Variants in EPRS1 observed in about 807,000 individuals in gnomAD.
EPRS1 encodes glutamyl-prolyl-tRNA synthetase 1.
EPRS1 carries 107 observed loss-of-function variants against 188.3 expected under a neutral mutation model. The observed-to-expected ratio is 0.57, with a 90% confidence interval of 0.49 to 0.67. The LOEUF (loss-of-function observed/expected upper bound fraction) is 0.67. Among genes scored for constraint, EPRS1 ranks in the 30% least tolerant of loss-of-function variants. The pLI is 0.00. For missense variants in EPRS1, 1,577 were observed against 1,802.2 expected, an observed-to-expected ratio of 0.88 and a Z score of 2.26; for synonymous variants, 596 against 593.1, an observed-to-expected ratio of 1.00 and a Z score of -0.07.
chr1:219,969,310 T>C (rs1003885961), intron 30 of EPRS1, 188 bp from the exon 31 acceptor site: 3 of 587,750 alleles, frequency 5.1e-6, no homozygotes, highest in Admixed American at 3.0e-5. Context: ...GAAAGAATGT[T>C]TTTCCACTAT....
chr1:219,999,642 C>G (rs964287986), intron 17 of EPRS1, among the ~76,000 whole-genome samples: 1 of 152,064 alleles, frequency 6.6e-6, no homozygotes, highest in Admixed American at 6.6e-5. Flanking sequence ...CAGCCAACAC[C>G]AATATCAACT....
chr1:219,972,055 C>T lies in EPRS1; in HGVS notation c.4323+14G>A. 6.5e-7 allele frequency: 1 copy of T among 1,534,662 alleles called. No homozygotes were observed. The highest frequency in any genetic ancestry group is 8.8e-7 in the Non-Finnish European group (1 of 1,135,382). Reference sequence around the variant, plus strand: ...AAATATTCTTATACTGAAAAGTTTTCCAAACTCTCTGACCTTTCCAGAATC... The same window carrying T: ...AAATATTCTTATACTGAAAAGTTTTTCAAACTCTCTGACCTTTCCAGAATC... On this transcript the variant is annotated intron_variant, in intron 30 of 31. Transcript: ENST00000366923.
At position 220,018,829 on chromosome 1, in the gene EPRS1, T is replaced by TAAAAAAA. The variant is rs34224725; in HGVS notation, c.1434+159_1434+165dup. Among the ~76,000 whole-genome samples the TAAAAAAA allele has an allele frequency of 7.7e-4, 105 of 136,180 alleles. 1 individual carries two copies. In the East Asian group the frequency reaches 0.021, roughly 27 times the overall value. The allele number at this position is 136,180 out of a possible 152,430, so 89.3% of individuals were successfully genotyped here. Reference sequence around the variant, plus strand: ...CACTATTATAAGCAGTGATAAACTTTAAAAAAAAAAAAGTTTGTTTTAAAA... The same window carrying TAAAAAAA: ...CACTATTATAAGCAGTGATAAACTTTAAAAAAAAAAAAAAAAAAAGTTTGTTTTAAAA... On this transcript the variant is annotated intron_variant, in intron 11 of 31. Coordinates refer to ENST00000366923, the MANE Select transcript of EPRS1 (RefSeq NM_004446.3).
rs573214092 is a variant in EPRS1, at chr1:220,007,037, T to C, written c.1742+165A>G. 1.1e-4 allele frequency among the ~76,000 whole-genome samples: 16 copies of C among 152,320 alleles called. No homozygotes were observed. In the East Asian group the frequency reaches 2.9e-3, roughly 28 times the overall value. On this transcript the variant is annotated intron_variant, in intron 14 of 31. Coordinates refer to ENST00000366923, the MANE Select transcript of EPRS1 (RefSeq NM_004446.3). The stretch of plus-strand genomic sequence containing the variant: ...TAGCCTGTTAGTAAACTGAAAGATA[T>C]ATGGAAAAAAATTTAACTTGTGTCC...
At chr1:220,011,371 G>T in intron 12 of EPRS1, among the ~76,000 whole-genome samples, 1 of 152,136 alleles carries the variant, frequency 6.6e-6, no homozygotes, top group East Asian at 1.9e-4. Flanking sequence ...GCAAGGAAAA[G>T]TTTTCCAGTG....
intron 3 of EPRS1, among the ~76,000 whole-genome samples, chr1:220,034,500 G>A (rs1662140461): frequency 6.6e-6 from 1 of 152,146 alleles, no homozygotes; most frequent in Admixed American, 6.5e-5. Context: ...AATTAAACAA[G>A]GCATACACTT....
Position 220,020,070 on chromosome 1 carries a change from A to T in EPRS1, c.1267T>A (p.Tyr423Asn). Residue 423 changes from tyrosine to asparagine, a missense_variant, in exon 10 of 32, where the codon TAT becomes AAT. Physicochemically the swap from Tyr to Asn is moderately radical, Grantham distance 143. Transcript: ENST00000366923. ...LGIRKPYIWE[Y>N]SRLNLNNTVL... Reference sequence around the variant, plus strand: ...GTGTTGTTGAGATTTAGCCGACTATATTCCCAAATATATGGTTTTCTTATG... The same window carrying T: ...GTGTTGTTGAGATTTAGCCGACTATTTTCCCAAATATATGGTTTTCTTATG... 6.2e-7 allele frequency: 1 copy of T among 1,614,114 alleles called. No homozygotes were observed. Among genetic ancestry groups the T allele is most frequent in the Non-Finnish European group, 8.5e-7 (1 of 1,179,992 alleles).
At chr1:220,005,838 T>TG (rs1289041622) in intron 15 of EPRS1, among the ~76,000 whole-genome samples, 4 of 8,878 alleles carry the variant, frequency 4.5e-4, no homozygotes, top group African/African-American at 1.2e-3. Context: ...TGTTTTTTTT[T>TG]TTGTTTTTTT....
intron 2 of EPRS1, 82 bp downstream of exon 2, chr1:220,040,103 G>A (rs1269976948): frequency 2.3e-6 from 2 of 884,494 alleles, no homozygotes; most frequent in Non-Finnish European, 1.8e-6. Context: ...CTGGGCAAAA[G>A]AGGGAGACTC....
intron 28 of EPRS1, among the ~76,000 whole-genome samples, chr1:219,975,282 G>C (rs1660755094): frequency 6.6e-6 from 1 of 152,198 alleles, no homozygotes; most frequent in Admixed American, 6.5e-5. Context: ...AGAGGAGGGG[G>C]TGGCAATGGC....
At chr1:219,979,358 C>G (rs975682370) in intron 27 of EPRS1, 60 bp downstream of exon 27, 5 of 1,320,024 alleles carry the variant, frequency 3.8e-6, no homozygotes, top group Non-Finnish European at 5.3e-6. Flanking sequence ...TTCAAATTTC[C>G]TTTAGTAAAT....
In EPRS1 at chr1:219,997,352, G is replaced by C; in HGVS notation, c.2182-10C>G. ...TAAAAGGAGCAGAGGTCTACCAAGA[G>C]AGAAAACCAAAAGTAAAATAATTAA... is the stretch of plus-strand genomic sequence containing the variant. On this transcript the variant is annotated splice_polypyrimidine_tract_variant and intron_variant, in intron 17 of 31. Coordinates refer to ENST00000366923, the MANE Select transcript of EPRS1 (RefSeq NM_004446.3). The C allele has an allele frequency of 2.0e-6, 3 of 1,537,562 alleles. No individual in the cohort carries two copies. Among genetic ancestry groups the C allele is most frequent in the Non-Finnish European group, 2.6e-6 (3 of 1,146,662 alleles).
chr1:220,024,378 T>C lies in EPRS1; in HGVS notation c.829A>G (p.Met277Val). 6.2e-7 allele frequency: 1 copy of C among 1,612,104 alleles called. No homozygotes were observed. The highest frequency in any genetic ancestry group is 1.7e-4 in the Middle Eastern group (1 of 6,060). ...TYTSDHFETI[M>V]KYAEKLIQEG... ...TGAATTAGCTTCTCTGCATACTTCA[T>C]TATAGTTTCAAAATGATCCGAAGTA... Residue 277 changes from methionine to valine, a missense_variant, in exon 8 of 32, where the codon ATG becomes GTG. This residue lies in a region of EPRS1 where 1,278 missense variants were observed against 1,457.4 expected (regional missense o/e 0.88). Coordinates refer to ENST00000366923, the MANE Select transcript of EPRS1 (RefSeq NM_004446.3).
rs191602123 is a variant in EPRS1, at chr1:219,998,048, C to T, written c.2182-706G>A. Among the ~76,000 whole-genome samples, 7 of 152,264 alleles carry T rather than the reference C, an allele frequency of 4.6e-5. No individual in the cohort carries two copies. In the South Asian group the frequency reaches 1.2e-3, roughly 27 times the overall value. On this transcript the variant is annotated intron_variant, in intron 17 of 31. Transcript: ENST00000366923. ...AATAAAGATACTATTTTTATTCATG[C>T]TTTCTGCTGCCTAGACTGCATTCTT...
At chr1:220,028,466 C>A (rs1381369451) in intron 6 of EPRS1, among the ~76,000 whole-genome samples, 1 of 31,050 alleles carries the variant, frequency 3.2e-5, no homozygotes, top group Non-Finnish European at 5.0e-5. Flanking sequence ...CACACACACG[C>A]GCACACACAC....
Position 220,010,420 on chromosome 1 carries a change from T to G in EPRS1, c.1605+526A>C, listed in dbSNP as rs79766381. On this transcript the variant is annotated intron_variant, in intron 13 of 31. Transcript: ENST00000366923. ...ACCAACTGAGCATAACAGTTCTGTG[T>G]GATGTACTATGGATTGTTACTAAAA... Among the ~76,000 whole-genome samples, 150 of 152,330 alleles carry G rather than the reference T, an allele frequency of 9.8e-4. 1 individual carries two copies. In the East Asian group the frequency reaches 0.025, roughly 25 times the overall value.
At chr1:220,018,143 G>A (rs1216743798) in intron 12 of EPRS1, 4 of 1,353,714 alleles carry the variant, frequency 3.0e-6, no homozygotes, top group Non-Finnish European at 3.9e-6. Flanking sequence ...CAGAGAGCTC[G>A]CAGCTTGAAA....
intron 12 of EPRS1, among the ~76,000 whole-genome samples, chr1:220,017,160 CCTAGACT>C (rs1661735858): frequency 6.6e-6 from 1 of 152,088 alleles, no homozygotes; most frequent in Non-Finnish European, 1.5e-5. Flanking sequence ...TTGCAGTGAG[CCTAGACT>C]GTGCCATTGC....
chr1:219,995,542 C>T (rs12079635), intron 18 of EPRS1, among the ~76,000 whole-genome samples: 5,547 of 152,272 alleles, frequency 0.036, 304 homozygotes, highest in African/African-American at 0.12. Context: ...TAAACTCATA[C>T]ATCCAGCAGC....
Sources: allele counts gnomAD v4.1 joint callset (sites outside exome capture counted in the v4.1 genomes callset), GRCh38; gene constraint gnomAD v4.1.1; regional missense constraint gnomAD v4.1.1; transcripts MANE v1.5; gene names NCBI Gene and HGNC (gene_info 2026-07-23, HGNC 2026-07-21).